The following ITPKB variants were observed in gnomAD, a reference collection of about 807,000 sequenced individuals.
ITPKB encodes the protein IP3 3-kinase B.
A neutral mutation model predicts 69.4 loss-of-function variants in ITPKB; 13 were observed. The ratio of observed to expected loss-of-function variants is 0.19; its 90% CI spans 0.12 to 0.30. The LOEUF (loss-of-function observed/expected upper bound fraction) is 0.30, where lower values mean the gene tolerates loss of function less well. Among genes scored for constraint, ITPKB ranks in the 10% least tolerant of loss-of-function variants. ITPKB has a pLI of 1.00. For missense variants in ITPKB, 1,240 were observed against 1,250.5 expected (o/e 0.99, Z 0.13); for synonymous variants, 584 against 513.7 (o/e 1.14, Z -1.85).
chr1:226,649,088 G>A (rs922231190), intron 2 of ITPKB, among the ~76,000 whole-genome samples: 10 of 152,198 alleles, frequency 6.6e-5, no homozygotes, highest in Admixed American at 1.3e-4. Flanking sequence ...TCGTAGATGC[G>A]GAGGCACCAG....
chr1:226,657,306 A>G (rs1669311840), intron 2 of ITPKB: 2 of 152,266 alleles, frequency 1.3e-5, no homozygotes, highest in African/African-American at 4.8e-5. Context: ...AAGGTGAATA[A>G]TAAGATTGCT....
At chr1:226,699,829 A>G (rs1656591158) in intron 2 of ITPKB, among the ~76,000 whole-genome samples, 1 of 152,188 alleles carries the variant, frequency 6.6e-6, no homozygotes. Flanking sequence ...TAGGATAGAT[A>G]AATATATAAA....
chr1:226,663,889 A>G (rs1468374599), intron 2 of ITPKB, among the ~76,000 whole-genome samples: 3 of 152,230 alleles, frequency 2.0e-5, no homozygotes, highest in Non-Finnish European at 2.9e-5. Flanking sequence ...CATTACAGAC[A>G]GCATGGGTTT....
Position 226,639,645 on chromosome 1 carries a change from G to A in ITPKB, c.2465C>T (p.Thr822Ile). The stretch of plus-strand genomic sequence containing the variant: ...GGTCTTCTTGAAGTCCCGGTTCACG[G>A]TGCCGTCTTCTTTCTGAGAAAGAGA... Reference protein sequence around the residue: ...RIEGIKKEDGTVNRDFKKTKT... With the variant: ...RIEGIKKEDGIVNRDFKKTKT... The change falls in exon 6 of 8, where the codon ACC becomes ATC. Residue 822 changes from threonine to isoleucine, a missense_variant. Around this residue, in one of 2 missense-constraint regions of ITPKB, gnomAD observed 248 missense variants for 396.7 expected, o/e 0.63. Coordinates refer to ENST00000429204, the MANE Select transcript of ITPKB (RefSeq NM_002221.4). 3 of 1,613,128 alleles carry A rather than the reference G, an allele frequency of 1.9e-6. No homozygotes were observed. The East Asian group carries it at 6.7e-5, about 36-fold the overall frequency.
chr1:226,704,398 T>C (rs1656753426), intron 2 of ITPKB, among the ~76,000 whole-genome samples: 1 of 152,218 alleles, frequency 6.6e-6, no homozygotes, highest in Admixed American at 6.5e-5. Context: ...TTATCATACC[T>C]GGTCAACACG....
Position 226,737,104 on chromosome 1 carries a change from G to A in ITPKB, c.355C>T (p.Leu119Phe), listed in dbSNP as rs202228212. ...GCCTCCTCCGGCCCTGGCGGGGAGA[G>A]GGTACCGGCTGCCACCACCTGCTGC... The part of the protein sequence containing the change: ...DRQQVVAAGT[L>F]SPPGPEEAKR... The change falls in exon 2 of 8, where the codon CTC becomes TTC. Residue 119 changes from leucine to phenylalanine, a missense_variant. Leu to Phe is a conservative substitution (Grantham distance 22). This residue lies in a region of ITPKB where 992 missense variants were observed against 853.8 expected (regional missense o/e 1.16). Transcript: ENST00000429204. The A allele has an allele frequency of 1.2e-4, 198 of 1,606,826 alleles. 2 individuals are homozygous for A. Among genetic ancestry groups the A allele is most frequent in the East Asian group, 2.2e-5 (1 of 44,844 alleles).
intron 2 of ITPKB, among the ~76,000 whole-genome samples, chr1:226,728,661 T>G (rs1335772352): frequency 6.6e-6 from 1 of 152,208 alleles, no homozygotes; most frequent in South Asian, 2.1e-4. Context: ...ACCCTGCAAC[T>G]GAACAAAAGG....
intron 2 of ITPKB, among the ~76,000 whole-genome samples, chr1:226,692,972 G>A (rs930238179): frequency 6.6e-6 from 1 of 152,108 alleles, no homozygotes; most frequent in Non-Finnish European, 1.5e-5. Flanking sequence ...TTTTTCCTGG[G>A]CCTGGGAACT....
At chr1:226,704,260 C>T (rs1414212305) in intron 2 of ITPKB, among the ~76,000 whole-genome samples, 1 of 152,238 alleles carries the variant, frequency 6.6e-6, no homozygotes, top group South Asian at 2.1e-4. Flanking sequence ...CCGTAAAATA[C>T]CAATTACAAA....
At chr1:226,659,847 T>C (rs1371998846) in intron 2 of ITPKB, among the ~76,000 whole-genome samples, 16 of 152,238 alleles carry the variant, frequency 1.1e-4, no homozygotes, top group African/African-American at 2.4e-5. Flanking sequence ...ACCTTCTCTA[T>C]GTCCCCCAGG....
In ITPKB at chr1:226,634,894, G is replaced by C. The variant is rs1463141767; in HGVS notation, c.2626-8C>G. The stretch of plus-strand genomic sequence containing the variant: ...GAGGGAGCTGCCAATGACCTGAGGA[G>C]AACATGGGGGTGAAGGGTGAGCTGA... On this transcript the variant is annotated splice_polypyrimidine_tract_variant and splice_region_variant and intron_variant, in intron 7 of 7. Coordinates refer to ENST00000429204, the MANE Select transcript of ITPKB (RefSeq NM_002221.4). This position sits in a 1 kb window ranked among gnomAD's most constrained non-coding sequence, Gnocchi z 6.3. 1 of 1,606,102 alleles carries C rather than the reference G, an allele frequency of 6.2e-7. No homozygotes were observed. The highest frequency in any genetic ancestry group is 8.5e-7 in the Non-Finnish European group (1 of 1,174,262).
In ITPKB at chr1:226,634,857, G is replaced by A. The variant is rs752641820; in HGVS notation, c.2655C>T (p.His885=). The A allele has an allele frequency of 3.7e-6, 6 of 1,613,932 alleles. No homozygotes were observed. Among genetic ancestry groups the A allele is most frequent in the South Asian group, 3.3e-5 (3 of 91,032 alleles). The part of the protein sequence containing the change: ...EVIGSSLLFI[H]DKKEQAKVWM... ...ACACTTTGGCCTGTTCCTTCTTGTC[G>A]TGGATGAAGAGGAGGGAGCTGCCAA... The change falls in exon 8 of 8, where the codon CAC becomes CAT. Residue 885 remains histidine (H), a synonymous_variant. Transcript: ENST00000429204. The surrounding 1 kb of genome is among the most constrained non-coding windows in gnomAD (Gnocchi z 6.3).
At chr1:226,683,955 A>T (rs905834572) in intron 2 of ITPKB, among the ~76,000 whole-genome samples, 2 of 152,188 alleles carry the variant, frequency 1.3e-5, no homozygotes, top group Non-Finnish European at 2.9e-5. Context: ...GGAAATATTA[A>T]ATTCCAGTCA....
intron 2 of ITPKB, among the ~76,000 whole-genome samples, chr1:226,700,800 TG>T (rs1223358104): frequency 1.3e-5 from 2 of 151,462 alleles, no homozygotes; most frequent in Non-Finnish European, 2.9e-5. Context: ...GAGAAGGGAG[TG>T]GGGGCCCAAA....
At chr1:226,718,996 C>G (rs190005929) in intron 2 of ITPKB, among the ~76,000 whole-genome samples, 2 of 152,314 alleles carry the variant, frequency 1.3e-5, no homozygotes, top group Admixed American at 6.5e-5. Flanking sequence ...GAATCGGGGG[C>G]CGGCACGATG....
intron 2 of ITPKB, among the ~76,000 whole-genome samples, chr1:226,714,843 A>G (rs1223533813): frequency 6.6e-6 from 1 of 152,240 alleles, no homozygotes; most frequent in Non-Finnish European, 1.5e-5. Context: ...GCACAAGAGC[A>G]GGCTCTAGAG....
intron 2 of ITPKB, among the ~76,000 whole-genome samples, chr1:226,712,883 A>G (rs1308856359): frequency 6.6e-6 from 1 of 152,148 alleles, no homozygotes; most frequent in Non-Finnish European, 1.5e-5. Flanking sequence ...AGCAGCTATC[A>G]GCAAACCACA....
intron 2 of ITPKB, among the ~76,000 whole-genome samples, chr1:226,686,194 G>A (rs1240710184): frequency 6.6e-6 from 1 of 152,226 alleles, no homozygotes; most frequent in Admixed American, 6.5e-5. Flanking sequence ...GGCCATGGGG[G>A]TGGATGGGCA....
chr1:226,732,497 G>C lies in ITPKB; in HGVS notation c.1932+3030C>G, dbSNP rs562582761. 1.5e-4 allele frequency among the ~76,000 whole-genome samples: 22 copies of C among 150,874 alleles called. No individual in the cohort carries two copies. The East Asian group carries it at 3.1e-3, about 21-fold the overall frequency. On this transcript the variant is annotated intron_variant, in intron 2 of 7. Coordinates refer to ENST00000429204, the MANE Select transcript of ITPKB (RefSeq NM_002221.4). Reference sequence around the variant, plus strand: ...AAGTGATCCACCCGCCTTGGCCTCCGAAAGTGCTGGGATTACAGGCATGAG... The same window carrying C: ...AAGTGATCCACCCGCCTTGGCCTCCCAAAGTGCTGGGATTACAGGCATGAG...
Sources: allele counts gnomAD v4.1 joint callset (sites outside exome capture counted in the v4.1 genomes callset), GRCh38; gene constraint gnomAD v4.1.1; regional missense constraint gnomAD v4.1.1; non-coding constraint Gnocchi (gnomAD v3.1); transcripts MANE v1.5; gene names NCBI Gene and HGNC (gene_info 2026-07-23, HGNC 2026-07-21).